The following DIAPH3 variants were observed in gnomAD, a reference collection of about 807,000 sequenced individuals.
DIAPH3 encodes the protein diaphanous related formin 3.
DIAPH3 carries 117 observed loss-of-function variants against 144.3 expected under a neutral mutation model. That is an observed-to-expected ratio of 0.81 (90% CI 0.70 to 0.95). The LOEUF (loss-of-function observed/expected upper bound fraction) is 0.95, where lower values mean the gene tolerates loss of function less well. DIAPH3 is among the 40% of genes least tolerant of loss of function. DIAPH3 has a pLI of 0.00. For synonymous variants in DIAPH3, 519 were observed against 488.9 expected, an observed-to-expected ratio of 1.06 and a Z score of -0.81; for missense variants, 1,421 against 1,412.7, an observed-to-expected ratio of 1.01 and a Z score of -0.09.
chr13:59,980,602 T>C (rs767574468), intron 14 of DIAPH3, among the ~76,000 whole-genome samples, 193 bp downstream of exon 14: 1 of 151,438 alleles, frequency 6.6e-6, no homozygotes, highest in Non-Finnish European at 1.5e-5. Flanking sequence ...GAAAGAAGAA[T>C]AGGGAAGGTC....
In DIAPH3 at chr13:59,855,151, A is replaced by G. The variant is rs2043188465; in HGVS notation, c.2737+6256T>C. ...TGCACTGCAAAATGATTACTCTTAC[A>G]ATCTCATATCCAAGTCTACAACTTA... On this transcript the variant is annotated intron_variant, in intron 22 of 27. Transcript: ENST00000400324. 2.6e-5 allele frequency among the ~76,000 whole-genome samples: 4 copies of G among 152,248 alleles called. No individual in the cohort carries two copies. In the South Asian group the frequency reaches 8.3e-4, roughly 32 times the overall value.
intron 13 of DIAPH3, among the ~76,000 whole-genome samples, chr13:59,983,205 TAAAA>T (rs5803980): frequency 3.2e-5 from 4 of 125,100 alleles, no homozygotes; most frequent in Admixed American, 8.5e-5. Flanking sequence ...ATTCCAAGTT[TAAAA>T]AAAAAAAAAA....
At chr13:59,803,627 T>C (rs530239215) in intron 25 of DIAPH3, among the ~76,000 whole-genome samples, 4 of 152,188 alleles carry the variant, frequency 2.6e-5, no homozygotes, top group Non-Finnish European at 5.9e-5. Context: ...TTAAGTTATG[T>C]TGGAAGTCTG....
intron 27 of DIAPH3, among the ~76,000 whole-genome samples, chr13:59,706,845 A>G (rs2034458960): frequency 6.6e-6 from 1 of 152,182 alleles, no homozygotes; most frequent in Admixed American, 6.5e-5. Flanking sequence ...GTGATTGTCT[A>G]TATTTGCATT....
chr13:59,983,958 G>A (rs981285264), intron 12 of DIAPH3, 71 bp from the exon 13 acceptor site: 3 of 968,426 alleles, frequency 3.1e-6, no homozygotes, highest in Non-Finnish European at 4.9e-6. Context: ...AAAACTTTTT[G>A]GCTAAGATTG....
At chr13:59,727,795 G>A (rs2138955878) in intron 27 of DIAPH3, among the ~76,000 whole-genome samples, 1 of 152,140 alleles carries the variant, frequency 6.6e-6, no homozygotes, top group Non-Finnish European at 1.5e-5. Context: ...AGGCCTGGCT[G>A]CGGCTTCATA....
chr13:59,925,304 C>T (rs1205178375), intron 17 of DIAPH3, among the ~76,000 whole-genome samples: 1 of 152,076 alleles, frequency 6.6e-6, no homozygotes, highest in East Asian at 1.9e-4. Context: ...GTCTAATATA[C>T]AATACCATTC....
chr13:59,801,237 ACAAT>A (rs747097494), intron 25 of DIAPH3, among the ~76,000 whole-genome samples: 7 of 152,206 alleles, frequency 4.6e-5, no homozygotes, highest in Admixed American at 1.3e-4. Flanking sequence ...CCCCAAGCAA[ACAAT>A]CTTCTTGACT....
chr13:59,752,191 A>C (rs1158497069), intron 27 of DIAPH3, among the ~76,000 whole-genome samples: 2 of 152,196 alleles, frequency 1.3e-5, no homozygotes, highest in Non-Finnish European at 2.9e-5. Flanking sequence ...TAGTTTTCAC[A>C]AATACTCTAT....
intron 25 of DIAPH3, among the ~76,000 whole-genome samples, chr13:59,785,462 CT>C (rs370683152): frequency 1.2e-3 from 176 of 152,318 alleles, no homozygotes; most frequent in African/African-American, 4.1e-3. Flanking sequence ...AAGACCACCC[CT>C]GTCTCCTTGT....
At chr13:59,741,775 C>G (rs547967582) in intron 27 of DIAPH3, among the ~76,000 whole-genome samples, 1 of 138,432 alleles carries the variant, frequency 7.2e-6, no homozygotes, top group Non-Finnish European at 1.6e-5. Flanking sequence ...AGATATTCCA[C>G]TCTATAATTC....
chr13:60,000,987 G>A (rs2052492845), intron 9 of DIAPH3, among the ~76,000 whole-genome samples: 1 of 152,156 alleles, frequency 6.6e-6, no homozygotes, highest in Admixed American at 6.5e-5. Context: ...GTGGTCTTCT[G>A]TCTGTTGCAA....
chr13:60,054,541 G>T (rs1269847285), intron 4 of DIAPH3, among the ~76,000 whole-genome samples: 2 of 151,824 alleles, frequency 1.3e-5, no homozygotes, highest in Non-Finnish European at 2.9e-5. Flanking sequence ...CTTTGATTTT[G>T]CAATTGCTGA....
intron 3 of DIAPH3, among the ~76,000 whole-genome samples, chr13:60,096,518 T>G (rs1034329514): frequency 1.2e-4 from 19 of 152,232 alleles, no homozygotes; most frequent in African/African-American, 4.6e-4. Context: ...GCTTAAAGTA[T>G]ACCCACATAG....
chr13:59,684,811 T>C (rs969288371), intron 27 of DIAPH3, among the ~76,000 whole-genome samples: 4 of 152,166 alleles, frequency 2.6e-5, no homozygotes, highest in African/African-American at 9.7e-5. Context: ...TCTAAGACTT[T>C]CAATGTAATC....
At position 59,715,990 on chromosome 13, in the gene DIAPH3, T is replaced by C. The variant is rs1264640397; in HGVS notation, c.3320-49144A>G. On this transcript the variant is annotated intron_variant, in intron 27 of 27. Transcript: ENST00000400324. ...TTAAAGTGGGCATACCACATTAATG[T>C]TAAATACATTTAAAGTCTTAATGCA... Among the ~76,000 whole-genome samples, 5 of 152,328 alleles carry C rather than the reference T, an allele frequency of 3.3e-5. No homozygotes were observed. The East Asian group carries it at 9.6e-4, about 29-fold the overall frequency.
intron 24 of DIAPH3, among the ~76,000 whole-genome samples, chr13:59,820,159 A>G (rs897568426): frequency 6.6e-6 from 1 of 151,986 alleles, no homozygotes; most frequent in Non-Finnish European, 1.5e-5. Flanking sequence ...TATCAATTAT[A>G]TATGCTTCCA....
chr13:59,939,527 T>C (rs1216315207), intron 17 of DIAPH3, among the ~76,000 whole-genome samples: 2 of 152,154 alleles, frequency 1.3e-5, no homozygotes, highest in Admixed American at 6.5e-5. Flanking sequence ...ACTGACTCTC[T>C]TCAGCTTCTT....
chr13:59,749,858 G>GTA (rs2036911073), intron 27 of DIAPH3, among the ~76,000 whole-genome samples: 1 of 152,102 alleles, frequency 6.6e-6, no homozygotes, highest in African/African-American at 2.4e-5. Flanking sequence ...CACAAGTGAT[G>GTA]TATTAGGATC....
Sources: allele counts gnomAD v4.1 joint callset (sites outside exome capture counted in the v4.1 genomes callset), GRCh38; gene constraint gnomAD v4.1.1; transcripts MANE v1.5; gene names NCBI Gene and HGNC (gene_info 2026-07-23, HGNC 2026-07-21).